SNX30: variants seen among roughly 807,000 people sequenced by gnomAD.
SNX30 encodes sorting nexin family member 30, also known as sorting nexin-30.
Under a neutral mutation model 46.4 loss-of-function variants are expected in SNX30, and 24 were observed. That is an observed-to-expected ratio of 0.52 (90% confidence interval 0.37 to 0.73). The LOEUF is 0.73. Among genes scored for constraint, SNX30 ranks in the 30% least tolerant of loss-of-function variants. The pLI, the probability that SNX30 is intolerant of heterozygous loss-of-function variation, is 0.00. For missense variants in SNX30, 533 were observed against 555.7 expected, an observed-to-expected ratio of 0.96 and a Z score of 0.41; for synonymous variants, 189 against 211.5, an observed-to-expected ratio of 0.89 and a Z score of 0.92.
intron 4 of SNX30, among the ~76,000 whole-genome samples, chr9:112,834,882 A>C (rs7849090): frequency 0.081 from 8,498 of 105,126 alleles, 385 homozygotes; most frequent in Non-Finnish European, 0.12. Flanking sequence ...ACACACACAC[A>C]CCTACCTCAA....
At chr9:112,811,136 G>T (rs915533621) in intron 2 of SNX30, among the ~76,000 whole-genome samples, 2 of 152,238 alleles carry the variant, frequency 1.3e-5, no homozygotes, top group African/African-American at 4.8e-5. Context: ...GGAAGTCCAT[G>T]TTGGAAGAAA....
intron 7 of SNX30, among the ~76,000 whole-genome samples, chr9:112,854,998 C>T (rs931638772): frequency 3.3e-5 from 5 of 152,194 alleles, no homozygotes; most frequent in African/African-American, 1.2e-4. Flanking sequence ...GGTTTGCTGT[C>T]ACATATTTTA....
intron 3 of SNX30, among the ~76,000 whole-genome samples, chr9:112,820,793 T>C (rs1164672683): frequency 6.6e-6 from 1 of 152,224 alleles, no homozygotes; most frequent in Non-Finnish European, 1.5e-5. Flanking sequence ...CAACGTGATT[T>C]TTTTTGTTAC....
chr9:112,770,755 T>C (rs1399610647), intron 1 of SNX30, among the ~76,000 whole-genome samples: 1 of 151,990 alleles, frequency 6.6e-6, no homozygotes, highest in African/African-American at 2.4e-5. Context: ...CCCAGCACTT[T>C]GGGAGGCCGA....
intron 1 of SNX30, among the ~76,000 whole-genome samples, chr9:112,765,219 T>C (rs2049149491): frequency 6.6e-6 from 1 of 152,178 alleles, no homozygotes; most frequent in African/African-American, 2.4e-5. Flanking sequence ...ATGGCAAGAA[T>C]AGAACAGGAA....
At chr9:112,879,736 T>A, downstream of SNX30, 1 of 1,607,330 alleles carries the variant, frequency 6.2e-7, no homozygotes. Context: ...ATGGCTGATG[T>A]TTTCAGTTCC....
chr9:112,756,946 A>G (rs985560026), intron 1 of SNX30, among the ~76,000 whole-genome samples: 4 of 152,244 alleles, frequency 2.6e-5, no homozygotes, highest in South Asian at 2.1e-4. Flanking sequence ...TAGTGGAGCA[A>G]ATGAACACAG....
chr9:112,780,335 A>G (rs915101740), intron 1 of SNX30, among the ~76,000 whole-genome samples: 2 of 152,252 alleles, frequency 1.3e-5, no homozygotes, highest in Admixed American at 6.5e-5. Flanking sequence ...TGTATTTAAC[A>G]CTAGTGAACT....
At chr9:112,864,988 T>TGC (rs1169836475) in intron 8 of SNX30, among the ~76,000 whole-genome samples, 369 of 150,666 alleles carry the variant, frequency 2.4e-3, no homozygotes, top group Non-Finnish European at 4.0e-3. Flanking sequence ...CACATGCGCG[T>TGC]GCACACACAC....
At chr9:112,879,676 T>C (rs887906348), downstream of SNX30, 2 of 1,303,022 alleles carry the variant, frequency 1.5e-6, no homozygotes, top group Admixed American at 1.7e-5. Context: ...AGTGGGTTGC[T>C]TAGGTCACCA....
intron 1 of SNX30, among the ~76,000 whole-genome samples, chr9:112,795,585 C>T (rs990853994): frequency 1.3e-5 from 2 of 152,124 alleles, no homozygotes; most frequent in South Asian, 4.1e-4. Flanking sequence ...TCACTCCCAA[C>T]AACTGATTCG....
chr9:112,784,351 A>G (rs1839887330), intron 1 of SNX30, among the ~76,000 whole-genome samples: 1 of 152,106 alleles, frequency 6.6e-6, no homozygotes, highest in Non-Finnish European at 1.5e-5. Context: ...CCATGATTGC[A>G]GCTTGCTGCT....
At chr9:112,804,993 C>A in intron 2 of SNX30, 26 bp downstream of exon 2, 2 of 1,531,326 alleles carry the variant, frequency 1.3e-6, no homozygotes, top group South Asian at 1.3e-5. Flanking sequence ...ATAGAATGCC[C>A]GTGTTGAGTG....
intron 1 of SNX30, among the ~76,000 whole-genome samples, chr9:112,778,429 G>A (rs1202672285): frequency 6.6e-6 from 1 of 152,042 alleles, no homozygotes; most frequent in Non-Finnish European, 1.5e-5. Context: ...CCTGCCACCA[G>A]CCCAGCACAT....
At chr9:112,773,525 T>C (rs1190457321) in intron 1 of SNX30, among the ~76,000 whole-genome samples, 1 of 152,128 alleles carries the variant, frequency 6.6e-6, no homozygotes, top group Non-Finnish European at 1.5e-5. Flanking sequence ...TTACATATAT[T>C]TTGATAGATA....
intron 1 of SNX30, among the ~76,000 whole-genome samples, chr9:112,775,821 A>G (rs1212375799): frequency 7.8e-6 from 1 of 127,876 alleles, no homozygotes; most frequent in South Asian, 2.4e-4. Context: ...AGCATACCTT[A>G]CTTTTTTGTA....
At chr9:112,855,217 T>C (rs1841102036) in intron 7 of SNX30, among the ~76,000 whole-genome samples, 1 of 138,262 alleles carries the variant, frequency 7.2e-6, no homozygotes, top group Non-Finnish European at 1.5e-5. Context: ...GTTGATGAGA[T>C]TTTTTTTTTT....
At chr9:112,754,064 G>T (rs1216144773) in intron 1 of SNX30, among the ~76,000 whole-genome samples, 1 of 152,234 alleles carries the variant, frequency 6.6e-6, no homozygotes, top group Non-Finnish European at 1.5e-5. Context: ...TGTGATCCTG[G>T]ATGACAGGGA....
intron 2 of SNX30, among the ~76,000 whole-genome samples, chr9:112,813,934 G>A (rs531317373): frequency 2.0e-5 from 3 of 152,282 alleles, no homozygotes; most frequent in African/African-American, 7.2e-5. Flanking sequence ...AGATCATTAT[G>A]CAAATATCCT....
Sources: gnomAD v4.1 joint callset for allele counts (sites outside exome capture counted in the v4.1 genomes callset) on GRCh38, gnomAD v4.1.1 for gene constraint, MANE v1.5 for transcripts, NCBI Gene and HGNC (gene_info 2026-07-23, HGNC 2026-07-21) for gene names.